Variants in CHST11 observed in about 807,000 individuals in gnomAD.
CHST11 encodes C4S-1.
CHST11 carries 9 observed loss-of-function variants against 30.4 expected under a neutral mutation model. The ratio of observed to expected loss-of-function variants is 0.30; its 90% CI spans 0.18 to 0.52. The LOEUF (loss-of-function observed/expected upper bound fraction) is 0.52. Ranked by LOEUF, CHST11 falls within the 20% of genes least tolerant of loss-of-function variation. The pLI is 0.97. For missense variants in CHST11, 348 were observed against 460.6 expected, an observed-to-expected ratio of 0.76 and a Z score of 2.24; for synonymous variants, 152 against 187.8, an observed-to-expected ratio of 0.81 and a Z score of 1.56.
intron 2 of CHST11, among the ~76,000 whole-genome samples, chr12:104,719,820 A>G (rs929004324): frequency 1.3e-5 from 2 of 152,146 alleles, no homozygotes; most frequent in African/African-American, 4.8e-5. Context: ...TGGCCAGGGG[A>G]CAGTTACAGG....
chr12:104,577,639 C>T (rs1443874416), intron 1 of CHST11, among the ~76,000 whole-genome samples: 2 of 152,156 alleles, frequency 1.3e-5, no homozygotes, highest in East Asian at 3.8e-4. Context: ...ATTGTCTGGT[C>T]AATGCCAAGG....
rs1452571317 is a variant in CHST11, at chr12:104,575,183, A to G, written c.119-26723A>G. 3.3e-5 allele frequency among the ~76,000 whole-genome samples: 5 copies of G among 151,538 alleles called. 1 individual carries two copies. Among genetic ancestry groups the G allele is most frequent in the Admixed American group, 2.6e-4 (4 of 15,208 alleles). On this transcript the variant is annotated intron_variant, in intron 1 of 2. Transcript: ENST00000303694. ...ACCCCAGCCTGAGTTACAGAGTGAG[A>G]TCCTGTCTCAAAAAAAAAAAAAGAG...
intron 1 of CHST11, chr12:104,514,057 C>T: frequency 1.0e-6 from 1 of 1,003,878 alleles, no homozygotes; most frequent in Non-Finnish European, 1.6e-6. Context: ...CTACTCATTT[C>T]TCTAGCTCTG....
At chr12:104,598,543 G>A (rs1206850706) in intron 1 of CHST11, among the ~76,000 whole-genome samples, 1 of 152,014 alleles carries the variant, frequency 6.6e-6, no homozygotes, top group East Asian at 1.9e-4. Context: ...CAGATTCCTG[G>A]GCCTTAACTT....
At chr12:104,620,998 A>G (rs2039153735) in intron 2 of CHST11, among the ~76,000 whole-genome samples, 1 of 152,238 alleles carries the variant, frequency 6.6e-6, no homozygotes, top group Non-Finnish European at 1.5e-5. Flanking sequence ...GCCATTTGTT[A>G]TCTAATACTG....
chr12:104,574,115 C>T (rs1179365685), intron 1 of CHST11, among the ~76,000 whole-genome samples: 1 of 152,186 alleles, frequency 6.6e-6, no homozygotes, highest in Non-Finnish European at 1.5e-5. Context: ...AAAAAATGCT[C>T]ATCATCACTG....
intron 2 of CHST11, among the ~76,000 whole-genome samples, chr12:104,662,112 A>C (rs539886439): frequency 3.0e-4 from 45 of 152,328 alleles, no homozygotes; most frequent in Admixed American, 2.5e-3. Flanking sequence ...TGTTGGTAAC[A>C]AGGCACCTGG....
intron 2 of CHST11, among the ~76,000 whole-genome samples, chr12:104,705,426 G>A (rs1194754377): frequency 2.6e-5 from 4 of 152,128 alleles, no homozygotes; most frequent in Admixed American, 6.5e-5. Flanking sequence ...CATCCCAGGC[G>A]CCTGGTAAAT....
chr12:104,459,808 T>C lies in CHST11; in HGVS notation c.118+2279T>C, dbSNP rs11112065. 2.5e-3 allele frequency among the ~76,000 whole-genome samples: 383 copies of C among 152,360 alleles called. 1 individual carries two copies. Among genetic ancestry groups the C allele is most frequent in the Non-Finnish European group, 4.0e-3 (271 of 68,038 alleles). On this transcript the variant is annotated intron_variant, in intron 1 of 2. Transcript: ENST00000303694. ...TAGTCCTATTTTCTCCCATTGTTTATTATTTAGATCTCTATAAATATACTT... is the reference window on the plus strand; with the variant it reads ...TAGTCCTATTTTCTCCCATTGTTTACTATTTAGATCTCTATAAATATACTT...
At chr12:104,715,063 A>G (rs1362501439) in intron 2 of CHST11, among the ~76,000 whole-genome samples, 1 of 152,136 alleles carries the variant, frequency 6.6e-6, no homozygotes, top group Non-Finnish European at 1.5e-5. Context: ...CTTAGTTTCC[A>G]CATCTATAAA....
intron 2 of CHST11, among the ~76,000 whole-genome samples, chr12:104,730,686 G>T (rs2040250254): frequency 6.6e-6 from 1 of 152,218 alleles, no homozygotes; most frequent in African/African-American, 2.4e-5. Flanking sequence ...AATGGCATAT[G>T]AAAAGTCCCA....
intron 1 of CHST11, among the ~76,000 whole-genome samples, chr12:104,573,656 C>T (rs1032240315): frequency 1.3e-5 from 2 of 152,146 alleles, no homozygotes; most frequent in Non-Finnish European, 1.5e-5. Flanking sequence ...TGGCTAGCCA[C>T]ATGTAGAAAG....
intron 1 of CHST11, among the ~76,000 whole-genome samples, chr12:104,501,657 C>T (rs1351028191): frequency 1.3e-5 from 2 of 152,166 alleles, no homozygotes; most frequent in East Asian, 1.9e-4. Context: ...AGTGCTCAGC[C>T]GAGAGCCTGG....
chr12:104,496,423 T>G (rs533459966), intron 1 of CHST11, among the ~76,000 whole-genome samples: 1 of 152,380 alleles, frequency 6.6e-6, no homozygotes, highest in East Asian at 1.9e-4. Flanking sequence ...TTAGGCACTG[T>G]TGAAGTGACT....
chr12:104,720,546 C>G (rs1239498128), intron 2 of CHST11, among the ~76,000 whole-genome samples: 1 of 152,166 alleles, frequency 6.6e-6, no homozygotes, highest in Non-Finnish European at 1.5e-5. Flanking sequence ...CTCCCCAGGA[C>G]CACGGCCACC....
chr12:104,599,598 G>A (rs1420446520), intron 1 of CHST11, among the ~76,000 whole-genome samples: 9 of 152,082 alleles, frequency 5.9e-5, no homozygotes, highest in South Asian at 2.1e-4. Context: ...ATTTTTTTCC[G>A]TCTTCTTGGG....
intron 1 of CHST11, among the ~76,000 whole-genome samples, chr12:104,568,016 C>T (rs190983835): frequency 1.1e-4 from 17 of 152,150 alleles, no homozygotes; most frequent in Non-Finnish European, 1.9e-4. Flanking sequence ...TTTGTTATAG[C>T]AGCAGGAGTA....
chr12:104,517,565 G>A (rs891268984), intron 1 of CHST11, among the ~76,000 whole-genome samples: 8 of 152,332 alleles, frequency 5.3e-5, no homozygotes, highest in African/African-American at 1.2e-4. Context: ...CTGGCCTGGG[G>A]TCTGATCCTG....
At chr12:104,553,098 G>C (rs1057368188) in intron 1 of CHST11, 3 of 152,230 alleles carry the variant, frequency 2.0e-5, no homozygotes, top group Non-Finnish European at 4.4e-5. Flanking sequence ...TTAAAATGAG[G>C]TGAAGTAACA....
Sources: gnomAD v4.1 joint callset for allele counts (sites outside exome capture counted in the v4.1 genomes callset) on GRCh38, gnomAD v4.1.1 for gene constraint, MANE v1.5 for transcripts, NCBI Gene and HGNC (gene_info 2026-07-23, HGNC 2026-07-21) for gene names.